The following SGO2 variants were observed in gnomAD, a reference collection of about 807,000 sequenced individuals.
SGO2 encodes the protein shugoshin 2.
In SGO2, 68 loss-of-function variants were observed where a neutral mutation model predicts 99.5. The observed-to-expected ratio is 0.68, with a 90% confidence interval of 0.56 to 0.84. SGO2 has a LOEUF of 0.84. Among genes scored for constraint, SGO2 ranks in the 40% least tolerant of loss-of-function variants. The pLI, the probability that SGO2 is intolerant of heterozygous loss-of-function variation, is 0.00. For missense variants in SGO2, 1,350 were observed against 1,436.7 expected, an observed-to-expected ratio of 0.94 and a Z score of 0.97; for synonymous variants, 457 against 487.1, an observed-to-expected ratio of 0.94 and a Z score of 0.81.
Position 200,572,330 on chromosome 2 carries a change from G to A in SGO2, c.1984G>A (p.Glu662Lys). 1 of 1,609,510 alleles carries A rather than the reference G, an allele frequency of 6.2e-7. No homozygotes were observed. The highest frequency in any genetic ancestry group is 2.2e-5 in the East Asian group (1 of 44,830). ...TAAAGAACCTATCTCTGAAAACATA[G>A]AAGTTTCCAAAGAGCTTCAAATCCC... Reference protein sequence around the residue: ...EDKEPISENIEVSKELQIPAL... With the variant: ...EDKEPISENIKVSKELQIPAL... The change falls in exon 7 of 9, where the codon GAA (glutamate) becomes AAA (lysine). Residue 662 changes from glutamate (E) to lysine (K), a missense_variant. By Grantham distance (56) the Glu-to-Lys change is moderately conservative (BLOSUM62 1). Coordinates refer to ENST00000357799, the MANE Select transcript of SGO2 (RefSeq NM_152524.6).
At chr2:200,581,991 T>C (rs1390513473) in intron 8 of SGO2, among the ~76,000 whole-genome samples, 1 of 152,128 alleles carries the variant, frequency 6.6e-6, no homozygotes, top group Non-Finnish European at 1.5e-5. Context: ...CTTGTATACC[T>C]TTTTAAATTT....
In SGO2 at chr2:200,572,756, A is replaced by G. The variant is rs1311611804; in HGVS notation, c.2410A>G (p.Ile804Val). Residue 804 changes from isoleucine to valine, a missense_variant, in exon 7 of 9, where the codon ATA (isoleucine) becomes GTA (valine). By Grantham distance (29) the Ile-to-Val change is conservative. Transcript: ENST00000357799. Reference sequence around the variant, plus strand: ...ACCTGCTTGTCAAAATGATTCAAAAATAGGTAAGAAGCCTAGACTAAATGT... The same window carrying G: ...ACCTGCTTGTCAAAATGATTCAAAAGTAGGTAAGAAGCCTAGACTAAATGT... The part of the protein sequence containing the change: ...MQPACQNDSK[I>V]GKKPRLNVCQ... 2 of 1,613,076 alleles carry G rather than the reference A, an allele frequency of 1.2e-6. No homozygotes were observed. The highest frequency in any genetic ancestry group is 1.7e-6 in the Non-Finnish European group (2 of 1,179,428).
In SGO2 at chr2:200,541,974, G is replaced by GTT. The variant is rs371840316; in HGVS notation, c.388-599_388-598dup. The stretch of plus-strand genomic sequence containing the variant: ...TTTTTTCTTTTTCAAAGTTTTCTTT[G>GTT]TTTTTTTAGCTATTCTAGGTCTTCT... On this transcript the variant is annotated intron_variant, in intron 4 of 8. Coordinates refer to ENST00000357799, the MANE Select transcript of SGO2 (RefSeq NM_152524.6). Among the ~76,000 whole-genome samples the GTT allele has an allele frequency of 1.5e-3, 226 of 151,828 alleles. 1 individual carries two copies. The highest frequency in any genetic ancestry group is 5.1e-3 in the African/African-American group (212 of 41,344).
At chr2:200,567,422 T>A (rs1346021440) in intron 5 of SGO2, among the ~76,000 whole-genome samples, 1 of 152,248 alleles carries the variant, frequency 6.6e-6, no homozygotes, top group Non-Finnish European at 1.5e-5. Flanking sequence ...TCCTTTCTTG[T>A]ATTTACTTTT....
chr2:200,548,175 C>T (rs1475955112), intron 5 of SGO2, among the ~76,000 whole-genome samples: 4 of 150,674 alleles, frequency 2.7e-5, no homozygotes, highest in African/African-American at 9.8e-5. Context: ...CTGCAGAATA[C>T]ACATTCTTTT....
At chr2:200,562,664 C>CA (rs1339401613) in intron 5 of SGO2, among the ~76,000 whole-genome samples, 2 of 152,148 alleles carry the variant, frequency 1.3e-5, no homozygotes, top group African/African-American at 4.8e-5. Flanking sequence ...GCCATTTTCA[C>CA]AATATTGATT....
intron 5 of SGO2, among the ~76,000 whole-genome samples, chr2:200,548,126 A>G (rs2032322247): frequency 6.7e-6 from 1 of 149,518 alleles, no homozygotes; most frequent in Non-Finnish European, 1.5e-5. Context: ...TAAACTGCAC[A>G]CTAGATACAA....
At chr2:200,546,393 A>G (rs1036906199) in intron 5 of SGO2, among the ~76,000 whole-genome samples, 6 of 150,190 alleles carry the variant, frequency 4.0e-5, no homozygotes, top group Non-Finnish European at 5.9e-5. Context: ...TTTGCTAGGC[A>G]GATATATTCA....
Position 200,573,636 on chromosome 2 carries a change from A to T in SGO2, c.3290A>T (p.Glu1097Val). 2 of 1,613,112 alleles carry T rather than the reference A, an allele frequency of 1.2e-6. No homozygotes were observed. Among genetic ancestry groups the T allele is most frequent in the Middle Eastern group, 1.7e-4 (1 of 6,060 alleles). Residue 1097 changes from glutamate to valine, a missense_variant, in exon 7 of 9, where the codon GAA becomes GTA. By Grantham distance (121) the Glu-to-Val change is moderately radical. Coordinates refer to ENST00000357799, the MANE Select transcript of SGO2 (RefSeq NM_152524.6). Reference sequence around the variant, plus strand: ...TCTCCAGAGAGCCATGAAGTAATGGAAAGAATACTTGACAGCGTTCAGGGA... The same window carrying T: ...TCTCCAGAGAGCCATGAAGTAATGGTAAGAATACTTGACAGCGTTCAGGGA... ...DPSPESHEVM[E>V]RILDSVQGKS... is the part of the protein sequence containing the mutation.
At position 200,576,655 on chromosome 2, in the gene SGO2, G is replaced by A. The variant is rs569711572; in HGVS notation, c.3782+1194G>A. 5.3e-5 allele frequency among the ~76,000 whole-genome samples: 8 copies of A among 152,218 alleles called. No homozygotes were observed. The East Asian group carries it at 1.5e-3, about 29-fold the overall frequency. On this transcript the variant is annotated intron_variant, in intron 8 of 8. Transcript: ENST00000357799. ...GCAACCATTACCAGAGTCAATTTTA[G>A]AACATTTCTTTACTTAAAAAGAAAC...
intron 5 of SGO2, among the ~76,000 whole-genome samples, chr2:200,556,230 T>C (rs113239161): frequency 0.027 from 4,161 of 152,278 alleles, 195 homozygotes; most frequent in African/African-American, 0.095. Flanking sequence ...CCTCCCAAAG[T>C]GCTGGGATTA....
chr2:200,560,614 T>C (rs769105231), intron 5 of SGO2, among the ~76,000 whole-genome samples: 11 of 152,120 alleles, frequency 7.2e-5, no homozygotes, highest in Non-Finnish European at 8.8e-5. Flanking sequence ...TAAAAAAAAA[T>C]TCCACTTCGT....
At chr2:200,574,369 C>T (rs1458424404) in intron 7 of SGO2, among the ~76,000 whole-genome samples, 4 of 151,928 alleles carry the variant, frequency 2.6e-5, no homozygotes, top group Non-Finnish European at 5.9e-5. Context: ...GAGACTCTTT[C>T]CCCATTCAAC....
chr2:200,556,711 A>G lies in SGO2; in HGVS notation c.474-12952A>G, dbSNP rs368009373. On this transcript the variant is annotated intron_variant, in intron 5 of 8. Transcript: ENST00000357799. ...GCTACAGCATTGGGCAGTTTCCATT[A>G]CCCTTCCCAGAAGGACCTTACAGCA... Among the ~76,000 whole-genome samples the G allele has an allele frequency of 1.5e-3, 232 of 152,304 alleles. 1 individual carries two copies. Among genetic ancestry groups the G allele is most frequent in the African/African-American group, 5.2e-3 (218 of 41,566 alleles).
In SGO2 at chr2:200,545,199, GT is replaced by G. The variant is rs370784511; in HGVS notation, c.473+2539del. ...TTTTTATACTTTTTGTAGAGACAGGGTTTTGCCATGTTGCCCAGGCTAGTCT... is the reference window on the plus strand; with the variant it reads ...TTTTTATACTTTTTGTAGAGACAGGGTTTGCCATGTTGCCCAGGCTAGTCT... On this transcript the variant is annotated intron_variant, in intron 5 of 8. Coordinates refer to ENST00000357799, the MANE Select transcript of SGO2 (RefSeq NM_152524.6). Among the ~76,000 whole-genome samples the G allele has an allele frequency of 1.5e-3, 232 of 152,214 alleles. 1 individual carries two copies. The highest frequency in any genetic ancestry group is 5.3e-3 in the African/African-American group (218 of 41,512).
chr2:200,567,531 AAAGCTTTG>A (rs2033234625), intron 5 of SGO2, among the ~76,000 whole-genome samples: 1 of 152,236 alleles, frequency 6.6e-6, no homozygotes, highest in South Asian at 2.1e-4. Context: ...GTATATTCAC[AAAGCTTTG>A]AATCTTCACC....
At position 200,561,093 on chromosome 2, in the gene SGO2, G is replaced by A. The variant is rs536037367; in HGVS notation, c.474-8570G>A. 4.6e-5 allele frequency among the ~76,000 whole-genome samples: 7 copies of A among 152,030 alleles called. No homozygotes were observed. In the South Asian group the frequency reaches 1.0e-3, roughly 23 times the overall value. On this transcript the variant is annotated intron_variant, in intron 5 of 8. Coordinates refer to ENST00000357799, the MANE Select transcript of SGO2 (RefSeq NM_152524.6). ...AAGTTCTAGGGTACATGTGCACAAC[G>A]TGCAGGTTTGTTACATATGTATACA...
At chr2:200,553,349 C>T (rs1176473675) in intron 5 of SGO2, among the ~76,000 whole-genome samples, 1 of 152,162 alleles carries the variant, frequency 6.6e-6, no homozygotes, top group Non-Finnish European at 1.5e-5. Context: ...AATAGGGAGT[C>T]ACTAACTGAT....
chr2:200,549,854 A>T (rs555002965), intron 5 of SGO2, among the ~76,000 whole-genome samples: 30 of 152,314 alleles, frequency 2.0e-4, no homozygotes, highest in Admixed American at 9.8e-4. Flanking sequence ...TCAACATAAT[A>T]CTTGAAGTAC....
Sources: gnomAD v4.1 joint callset for allele counts (sites outside exome capture counted in the v4.1 genomes callset) on GRCh38, gnomAD v4.1.1 for gene constraint, MANE v1.5 for transcripts, NCBI Gene and HGNC (gene_info 2026-07-23, HGNC 2026-07-21) for gene names.